The following SNCG variants were observed in gnomAD, a reference collection of about 807,000 sequenced individuals.
SNCG encodes the protein gamma-synuclein.
A neutral mutation model predicts 16.0 loss-of-function variants in SNCG; 13 were observed. The observed-to-expected ratio is 0.81, with a 90% confidence interval of 0.53 to 1.29. The LOEUF (loss-of-function observed/expected upper bound fraction) is 1.29, where lower values mean the gene tolerates loss of function less well. Ranked by LOEUF, SNCG falls within the 50% of genes most tolerant of loss-of-function variation. SNCG has a pLI of 0.00. For missense variants in SNCG, 154 were observed against 168.5 expected (o/e 0.91, Z 0.48); for synonymous variants, 66 against 66.3 (o/e 1.00, Z 0.02).
At chr10:86,957,621 TAA>T (rs1844258045), upstream of SNCG, 1 of 1,484,172 alleles carries the variant, frequency 6.7e-7, no homozygotes, top group South Asian at 1.3e-5. Context: ...GTCTTCAAGT[TAA>T]ATCTCAGGAG....
upstream of SNCG, chr10:86,957,908 C>G (rs11813415): frequency 0.24 from 254,187 of 1,066,478 alleles, 30,714 homozygotes; most frequent in African/African-American, 0.29. Flanking sequence ...TCAGGTCCAT[C>G]TCAGGGGACC....
chr10:86,956,929 G>A (rs1364473342), upstream of SNCG, among the ~76,000 whole-genome samples: 1 of 152,232 alleles, frequency 6.6e-6, no homozygotes, highest in Non-Finnish European at 1.5e-5. Flanking sequence ...TGGAGAGCAG[G>A]GGGCCGTCTC....
At chr10:86,956,746 T>A (rs992108635), upstream of SNCG, among the ~76,000 whole-genome samples, 12 of 152,308 alleles carry the variant, frequency 7.9e-5, no homozygotes, top group African/African-American at 2.9e-4. Context: ...CCTGCTGCTC[T>A]GACTGAGGGG....
At chr10:86,962,854 C>A in intron 4 of SNCG, 111 bp from the exon 5 acceptor site, 3 of 1,315,426 alleles carry the variant, frequency 2.3e-6, no homozygotes, top group Non-Finnish European at 1.1e-6. Flanking sequence ...GGTCCCCCCA[C>A]GGATGACCCC....
At chr10:86,956,319 T>C (rs995592613), upstream of SNCG, among the ~76,000 whole-genome samples, 4 of 152,304 alleles carry the variant, frequency 2.6e-5, no homozygotes, top group Middle Eastern at 3.4e-3. Flanking sequence ...CCTGGTCAAA[T>C]CTGTTTTCAG....
chr10:86,957,659 G>A, upstream of SNCG: 11 of 1,405,190 alleles, frequency 7.8e-6, no homozygotes, highest in Non-Finnish European at 9.5e-6. Flanking sequence ...GGACAACAAA[G>A]AGAGGAAGTG....
upstream of SNCG, chr10:86,958,149 T>C: frequency 1.0e-6 from 1 of 983,870 alleles, no homozygotes; most frequent in Non-Finnish European, 1.2e-6. Flanking sequence ...TGCTGGTGGG[T>C]AGCTGCACAG....
upstream of SNCG, chr10:86,958,399 G>T: frequency 3.0e-6 from 3 of 985,394 alleles, no homozygotes; most frequent in South Asian, 9.4e-5. Flanking sequence ...TCCAGCCCAT[G>T]GAGGGCACGG....
chr10:86,958,264 C>G, upstream of SNCG: 1 of 975,844 alleles, frequency 1.0e-6, no homozygotes, highest in Non-Finnish European at 1.2e-6. Context: ...CCTCTCTGTG[C>G]CTGTCTGTCC....
At chr10:86,960,207 T>C in intron 3 of SNCG, 79 bp downstream of exon 3, 1 of 1,390,280 alleles carries the variant, frequency 7.2e-7, no homozygotes, top group Non-Finnish European at 9.9e-7. Flanking sequence ...ATCACTCCAC[T>C]CCACACCCCA....
chr10:86,958,808 C>T lies in SNCG; in HGVS notation c.111C>T (p.Val37=), dbSNP rs760075709. 1 of 1,607,936 alleles carries T rather than the reference C, an allele frequency of 6.2e-7. No homozygotes were observed. The highest frequency in any genetic ancestry group is 2.2e-5 in the East Asian group (1 of 44,824). Residue 37 remains valine, a synonymous_variant, in exon 1 of 5, where the codon GTC becomes GTT. Transcript: ENST00000372017. ...CAGCTGAGAAGACCAAGGAGGGGGT[C>T]ATGTATGTGGGTAAGTGGGGCATGG... ...TEAAEKTKEG[V]MYVGAKTKEN...
Position 86,962,970 on chromosome 10 carries a change from G to A in SNCG, c.369G>A (p.Gln123=). 3.1e-6 allele frequency: 5 copies of A among 1,603,438 alleles called. No individual in the cohort carries two copies. Among genetic ancestry groups the A allele is most frequent in the Non-Finnish European group, 4.3e-6 (5 of 1,176,022 alleles). Residue 123 remains glutamine, a synonymous_variant, in exon 5 of 5, where the codon CAG becomes CAA. Transcript: ENST00000372017. ...CAGGTCATTCTCTCTCCCAGGCCCAGAGTGGGGGAGACTAGAGGGCTACAG... is the reference window on the plus strand; with the variant it reads ...CAGGTCATTCTCTCTCCCAGGCCCAAAGTGGGGGAGACTAGAGGGCTACAG... ...KEKEEVAEEA[Q]SGGD
intron 3 of SNCG, 65 bp downstream of exon 3, chr10:86,960,193 C>A (rs777568467): frequency 6.1e-6 from 9 of 1,486,428 alleles, no homozygotes; most frequent in Non-Finnish European, 3.7e-6. Flanking sequence ...TGGGCGGAGG[C>A]GGCATCACTC....
rs1174757628 is a variant in SNCG at position 86,962,663 on chromosome 10, A to T, written c.351A>T (p.Glu117Asp). The change falls in exon 4 of 5, where the codon GAA becomes GAT. Residue 117 changes from glutamate (E) to aspartate (D), a missense_variant. Transcript: ENST00000372017. Reference sequence around the variant, plus strand: ...GTGAGGCATCCAAAGAGAAAGAGGAAGTGGCAGAGGAGGTAGGAGCTGGGC... The same window carrying T: ...GTGAGGCATCCAAAGAGAAAGAGGATGTGGCAGAGGAGGTAGGAGCTGGGC... ...QEGEASKEKE[E>D]VAEEAQSGGD The T allele has an allele frequency of 1.2e-6, 2 of 1,612,236 alleles. No individual in the cohort carries two copies. The highest frequency in any genetic ancestry group is 1.7e-6 in the Non-Finnish European group (2 of 1,179,158).
chr10:86,959,528 C>T lies in SNCG; in HGVS notation c.122-105C>T, dbSNP rs1564737510. On this transcript the variant is annotated intron_variant, in intron 1 of 4. Coordinates refer to ENST00000372017, the MANE Select transcript of SNCG (RefSeq NM_003087.3). This position sits in a 1 kb window ranked among gnomAD's most constrained non-coding sequence, Gnocchi z 4.3. ...GCCGGCCCCCAGACACCATCCTTACCCCCCCACCGACCCCACAGTTTGTCC... is the reference window on the plus strand; with the variant it reads ...GCCGGCCCCCAGACACCATCCTTACTCCCCCACCGACCCCACAGTTTGTCC... 10 of 989,536 alleles carry T rather than the reference C, an allele frequency of 1.0e-5. No homozygotes were observed. In the East Asian group the frequency reaches 2.5e-4, roughly 25 times the overall value. The allele number at this position is 989,536 out of a possible 1,614,324, so 61.3% of individuals were successfully genotyped here. A position where few individuals can be genotyped will look rare whatever the true frequency, so the allele number is the denominator to read the frequency against.
chr10:86,958,324 G>A, upstream of SNCG: 1 of 985,362 alleles, frequency 1.0e-6, no homozygotes, highest in Non-Finnish European at 1.2e-6. Flanking sequence ...CCCAGCCAGG[G>A]CTGCCCCCAT....
intron 3 of SNCG, among the ~76,000 whole-genome samples, chr10:86,961,472 G>A (rs974208672): frequency 2.6e-5 from 4 of 151,984 alleles, no homozygotes; most frequent in African/African-American, 9.7e-5. Context: ...TGTGTCCCAG[G>A]CAGAACACAT....
upstream of SNCG, among the ~76,000 whole-genome samples, chr10:86,956,174 G>A (rs895082535): frequency 1.0e-4 from 6 of 58,088 alleles, no homozygotes; most frequent in African/African-American, 3.5e-4. Context: ...CCCCACCACC[G>A]AGAATCACCT....
chr10:86,962,758 GGGCTCCC>G (rs1844378764), intron 4 of SNCG, 83 bp downstream of exon 4: 1 of 1,271,052 alleles, frequency 7.9e-7, no homozygotes, highest in African/African-American at 1.5e-5. Flanking sequence ...CTTCCCTCCT[GGGCTCCC>G]AGGGCCCAGA....
Sources: gnomAD v4.1 joint callset for allele counts (sites outside exome capture counted in the v4.1 genomes callset) on GRCh38, gnomAD v4.1.1 for gene constraint, Gnocchi (gnomAD v3.1) non-coding constraint, MANE v1.5 for transcripts, NCBI Gene and HGNC (gene_info 2026-07-23, HGNC 2026-07-21) for gene names.